SH3TC1: variants seen among roughly 807,000 people sequenced by gnomAD.
SH3TC1 encodes the protein SH3 domain and tetratricopeptide repeat-containing protein 1.
In SH3TC1, 135 loss-of-function variants were observed where a neutral mutation model predicts 117.3. The observed-to-expected ratio is 1.15, with a 90% confidence interval of 1.00 to 1.33. The LOEUF (loss-of-function observed/expected upper bound fraction) is 1.33, where lower values mean the gene tolerates loss of function less well. SH3TC1 is among the 40% of genes most tolerant of loss of function. SH3TC1 has a pLI of 0.00. For missense variants in SH3TC1, 2,092 were observed against 1,794.3 expected, an observed-to-expected ratio of 1.17 and a Z score of -3.00; for synonymous variants, 898 against 816.9, an observed-to-expected ratio of 1.10 and a Z score of -1.69.
intron 13 of SH3TC1, 21 bp downstream of exon 13, chr4:8,232,177 G>A: frequency 3.7e-6 from 4 of 1,093,116 alleles, no homozygotes; most frequent in Non-Finnish European, 4.8e-6. Context: ...GCTCTGTGGT[G>A]GTGGGGGCGG....
At position 8,219,319 on chromosome 4, in the gene SH3TC1, T is replaced by C; in HGVS notation, c.917-16T>C. 1 of 1,565,888 alleles carries C rather than the reference T, an allele frequency of 6.4e-7. No individual in the cohort carries two copies. Among genetic ancestry groups the C allele is most frequent in the Non-Finnish European group, 8.7e-7 (1 of 1,150,370 alleles). ...TTTGGTCTCCCTGGCACTCACCATG[T>C]GGCTTTCTTCCGCAGCTGTGGGCCT... is the stretch of plus-strand genomic sequence containing the variant. On this transcript the variant is annotated splice_polypyrimidine_tract_variant and intron_variant, in intron 8 of 17. Coordinates refer to ENST00000245105, the MANE Select transcript of SH3TC1 (RefSeq NM_018986.5).
At chr4:8,237,753 C>CAGCCTTCCTTAAGAATGGCCCAGT in intron 17 of SH3TC1, 83 bp downstream of exon 17, 1 of 1,411,624 alleles carries the variant, frequency 7.1e-7, no homozygotes, top group South Asian at 1.5e-5. Flanking sequence ...GCATGTGTTC[C>CAGCCTTCCTTAAGAATGGCCCAGT]AGCCTTCCTT....
intron 16 of SH3TC1, 94 bp from the exon 17 acceptor site, chr4:8,237,380 G>C: frequency 9.0e-7 from 1 of 1,105,498 alleles, no homozygotes; most frequent in South Asian, 1.8e-5. Context: ...CCAGGTGACC[G>C]CAGTGCCTGG....
intron 10 of SH3TC1, among the ~76,000 whole-genome samples, chr4:8,224,408 G>C (rs1391138887): frequency 1.3e-5 from 2 of 152,210 alleles, no homozygotes; most frequent in African/African-American, 4.8e-5. Flanking sequence ...TTAGGAAGCA[G>C]GTTTGGGACC....
At chr4:8,214,934 C>T (rs1719103769) in intron 5 of SH3TC1, among the ~76,000 whole-genome samples, 1 of 152,234 alleles carries the variant, frequency 6.6e-6, no homozygotes, top group South Asian at 2.1e-4. Context: ...GATCCGCCCG[C>T]CTTGCCCTCC....
chr4:8,195,672 C>T (rs1024507155), upstream of SH3TC1, among the ~76,000 whole-genome samples: 21 of 152,096 alleles, frequency 1.4e-4, no homozygotes, highest in Admixed American at 6.5e-4. Flanking sequence ...CTTTTTTCAA[C>T]GTAGCTTCCA....
chr4:8,211,666 A>G (rs1381539569), intron 3 of SH3TC1, among the ~76,000 whole-genome samples: 1 of 151,148 alleles, frequency 6.6e-6, no homozygotes, highest in Non-Finnish European at 1.5e-5. Context: ...CTTTTTTCTC[A>G]GCGTCTCCAG....
In SH3TC1 at chr4:8,225,263, C is replaced by G; in HGVS notation, c.1285+47C>G. 1 of 1,592,662 alleles carries G rather than the reference C, an allele frequency of 6.3e-7. No individual in the cohort carries two copies. The highest frequency in any genetic ancestry group is 2.3e-5 in the East Asian group (1 of 44,240). On this transcript the variant is annotated intron_variant, in intron 11 of 17. Transcript: ENST00000245105. The surrounding 1 kb of genome is among the most constrained non-coding windows in gnomAD (Gnocchi z 5.5). ...GGCTTCCTCTGGTTATGAGCTGGGC[C>G]TTGGGGTAACGCTGGGGGAGGTGAC...
chr4:8,214,887 T>C (rs1719096622), intron 5 of SH3TC1, among the ~76,000 whole-genome samples: 1 of 152,176 alleles, frequency 6.6e-6, no homozygotes, highest in Non-Finnish European at 1.5e-5. Context: ...GGTTTCACCA[T>C]GTTGACCAAG....
At chr4:8,194,742 T>C (rs1382196250), upstream of SH3TC1, among the ~76,000 whole-genome samples, 1 of 152,176 alleles carries the variant, frequency 6.6e-6, no homozygotes, top group African/African-American at 2.4e-5. Context: ...AGGACGGTCG[T>C]TGCTTTCCAG....
Position 8,206,396 on chromosome 4 carries a change from C to T in SH3TC1, c.172+1030C>T, listed in dbSNP as rs767492230. The stretch of plus-strand genomic sequence containing the variant: ...CAGGCCTCATGAAAGGAAGGGGCTG[C>T]GCTGTGCCCAGGGCCACGAGTGCAC... On this transcript the variant is annotated intron_variant, in intron 2 of 17. Coordinates refer to ENST00000245105, the MANE Select transcript of SH3TC1 (RefSeq NM_018986.5). This position sits in a 1 kb window ranked among gnomAD's most constrained non-coding sequence, Gnocchi z 5.5. 6.6e-6 allele frequency among the ~76,000 whole-genome samples: 1 copy of T among 151,844 alleles called. No homozygotes were observed. The highest frequency in any genetic ancestry group is 2.4e-5 in the African/African-American group (1 of 41,330).
At chr4:8,187,708 C>T (rs775247698) in intron 1 of SH3TC1, among the ~76,000 whole-genome samples, 12 of 151,998 alleles carry the variant, frequency 7.9e-5, no homozygotes, top group Admixed American at 2.0e-4. Context: ...CGTGCCACCG[C>T]GCCCATCTAA....
rs1394562088 is a variant in SH3TC1 at position 8,206,310 on chromosome 4, T to G, written c.172+944T>G. Among the ~76,000 whole-genome samples the G allele has an allele frequency of 6.6e-6, 1 of 150,980 alleles. No homozygotes were observed. Among genetic ancestry groups the G allele is most frequent in the Non-Finnish European group, 1.5e-5 (1 of 67,650 alleles). ...CTGGGCAGGAAGGGCGGCTCAGAGG[T>G]TTGGGGTGGGGCCTGGGCCTGGGGA... is the stretch of plus-strand genomic sequence containing the variant. On this transcript the variant is annotated intron_variant, in intron 2 of 17. Coordinates refer to ENST00000245105, the MANE Select transcript of SH3TC1 (RefSeq NM_018986.5). This position sits in a 1 kb window ranked among gnomAD's most constrained non-coding sequence, Gnocchi z 5.5.
At chr4:8,238,304 C>A (rs1722003197) in intron 17 of SH3TC1, among the ~76,000 whole-genome samples, 2 of 152,346 alleles carry the variant, frequency 1.3e-5, no homozygotes, top group South Asian at 4.1e-4. Flanking sequence ...TGAGGCCTTG[C>A]TGGTCGGGTC....
rs368842763 is a variant in SH3TC1 at position 8,191,502 on chromosome 4, C to A, written c.-57+9292C>A. ...GGGCCTAGAGCTCTGCTCTTCTGATCAGGGGCCGGTTTCAGCAGCAAAGGC... is the reference window on the plus strand; with the variant it reads ...GGGCCTAGAGCTCTGCTCTTCTGATAAGGGGCCGGTTTCAGCAGCAAAGGC... On this transcript the variant is annotated intron_variant, in intron 1 of 16. Transcript: ENST00000508641. Among the ~76,000 whole-genome samples the A allele has an allele frequency of 4.6e-5, 7 of 152,356 alleles. 1 individual carries two copies. In the South Asian group the frequency reaches 1.2e-3, roughly 27 times the overall value.
rs1390935342 is a variant in SH3TC1, at chr4:8,233,885, T to TCATCCATCCATCATC, written c.3282+387_3282+401dup. Among the ~76,000 whole-genome samples the TCATCCATCCATCATC allele has an allele frequency of 1.6e-3, 239 of 145,160 alleles. 1 individual carries two copies. The highest frequency in any genetic ancestry group is 6.0e-3 in the African/African-American group (231 of 38,626). On this transcript the variant is annotated intron_variant, in intron 14 of 17. Coordinates refer to ENST00000245105, the MANE Select transcript of SH3TC1 (RefSeq NM_018986.5). ...ATCCATTCACCTATCATCCTTCCAT[T>TCATCCATCCATCATC]CATCCATCCATCATCCATCCATCCA...
intron 10 of SH3TC1, among the ~76,000 whole-genome samples, chr4:8,223,445 G>A (rs79487721): frequency 1.3e-5 from 2 of 152,212 alleles, no homozygotes; most frequent in Non-Finnish European, 2.9e-5. Context: ...CCCCAGGGCT[G>A]CCGTCTCCTA....
chr4:8,215,828 A>C (rs1678292), intron 5 of SH3TC1, among the ~76,000 whole-genome samples: 41,551 of 152,196 alleles, frequency 0.27, 6,372 homozygotes, highest in Non-Finnish European at 0.36. Context: ...TATGGTCTCC[A>C]TCTCACAGAG....
chr4:8,233,191 G>A (rs750004825), intron 13 of SH3TC1, 172 bp from the exon 14 acceptor site: 45 of 1,401,370 alleles, frequency 3.2e-5, no homozygotes, highest in Middle Eastern at 2.6e-4. Context: ...TTTCCTTGCC[G>A]TGTGTGTTCA....
Sources: gnomAD v4.1 joint callset for allele counts (sites outside exome capture counted in the v4.1 genomes callset) on GRCh38, gnomAD v4.1.1 for gene constraint, Gnocchi (gnomAD v3.1) non-coding constraint, MANE v1.5 for transcripts, NCBI Gene and HGNC (gene_info 2026-07-23, HGNC 2026-07-21) for gene names.